MAGI1: variants seen among roughly 807,000 people sequenced by gnomAD.
MAGI1 encodes membrane-associated guanylate kinase, WW and PDZ domain-containing protein 1.
In MAGI1, 58 loss-of-function variants were observed where a neutral mutation model predicts 139.9. That is an observed-to-expected ratio of 0.41 (90% CI 0.34 to 0.52). The LOEUF (loss-of-function observed/expected upper bound fraction) is 0.52, where lower values mean the gene tolerates loss of function less well. Ranked by LOEUF, MAGI1 falls within the 20% of genes least tolerant of loss-of-function variation. The probability of loss-of-function intolerance (pLI) is 0.12; values close to 1 mark genes in which losing one functional copy is unlikely to be tolerated. For missense variants in MAGI1, 1,874 were observed against 1,901.6 expected (o/e 0.99, Z 0.27); for synonymous variants, 812 against 737.9 (o/e 1.10, Z -1.63).
chr3:65,957,676 G>C (rs1055033323), intron 1 of MAGI1, among the ~76,000 whole-genome samples: 6 of 152,118 alleles, frequency 3.9e-5, no homozygotes, highest in Non-Finnish European at 8.8e-5. Context: ...CAAGAAAATG[G>C]GAATAGAGGT....
At chr3:65,923,226 C>CTTCT (rs2062312410) in intron 1 of MAGI1, among the ~76,000 whole-genome samples, 1 of 139,962 alleles carries the variant, frequency 7.1e-6, no homozygotes, top group Admixed American at 7.2e-5. Flanking sequence ...CAACAGACAT[C>CTTCT]TTTTTTTTTT....
chr3:65,862,956 C>T (rs1190407315), intron 1 of MAGI1, among the ~76,000 whole-genome samples: 4 of 152,188 alleles, frequency 2.6e-5, no homozygotes, highest in Non-Finnish European at 5.9e-5. Context: ...CAGAATGAAA[C>T]CTGACCTCCC....
intron 1 of MAGI1, among the ~76,000 whole-genome samples, chr3:65,799,461 A>T (rs2040374113): frequency 6.6e-6 from 1 of 152,196 alleles, no homozygotes; most frequent in Non-Finnish European, 1.5e-5. Flanking sequence ...AAAAATACAA[A>T]AATTACTGGA....
At chr3:65,784,726 A>G (rs914496982) in intron 1 of MAGI1, among the ~76,000 whole-genome samples, 5 of 26,618 alleles carry the variant, frequency 1.9e-4, no homozygotes, top group African/African-American at 4.9e-4. Flanking sequence ...CAACAACAAC[A>G]AAAAGAAAAG....
chr3:65,506,983 C>T (rs780980383), intron 2 of MAGI1, among the ~76,000 whole-genome samples: 4 of 152,042 alleles, frequency 2.6e-5, no homozygotes, highest in Non-Finnish European at 4.4e-5. Context: ...GAAATAGTCA[C>T]GAACATGTAA....
At chr3:65,947,513 A>G (rs1175616997) in intron 1 of MAGI1, among the ~76,000 whole-genome samples, 2 of 152,236 alleles carry the variant, frequency 1.3e-5, no homozygotes, top group African/African-American at 2.4e-5. Context: ...CACTGAGATA[A>G]GCTATAATAA....
chr3:65,891,764 G>C (rs1489609877), intron 1 of MAGI1, among the ~76,000 whole-genome samples: 3 of 142,622 alleles, frequency 2.1e-5, no homozygotes, highest in African/African-American at 7.7e-5. Context: ...GGGAGGGATA[G>C]CTTTAGGAGA....
intron 4 of MAGI1, among the ~76,000 whole-genome samples, chr3:65,474,100 T>C (rs1950720606): frequency 6.6e-6 from 1 of 152,066 alleles, no homozygotes. Flanking sequence ...ACCACATATC[T>C]ACAAAAAATT....
chr3:65,722,967 G>A (rs1385911526), intron 1 of MAGI1, among the ~76,000 whole-genome samples: 8 of 147,722 alleles, frequency 5.4e-5, no homozygotes, highest in Middle Eastern at 3.5e-3. Flanking sequence ...GATATCTGTT[G>A]TAGTAAAAAA....
chr3:65,405,562 T>C (rs1322054085), intron 12 of MAGI1, among the ~76,000 whole-genome samples: 2 of 152,002 alleles, frequency 1.3e-5, no homozygotes, highest in African/African-American at 4.8e-5. Flanking sequence ...CACACATACA[T>C]ATCCACAGAT....
At chr3:65,579,158 G>C (rs2081309367) in intron 2 of MAGI1, among the ~76,000 whole-genome samples, 1 of 151,992 alleles carries the variant, frequency 6.6e-6, no homozygotes, top group Non-Finnish European at 1.5e-5. Flanking sequence ...GCAAATCCTG[G>C]AGTCAGAACA....
chr3:65,486,571 G>A (rs1951652357), intron 3 of MAGI1, among the ~76,000 whole-genome samples: 1 of 152,230 alleles, frequency 6.6e-6, no homozygotes, highest in Non-Finnish European at 1.5e-5. Flanking sequence ...GCCACAATTA[G>A]GAAGTTGGGC....
chr3:65,597,925 T>TGGGGGGGGGGGG, intron 2 of MAGI1: 4 of 394,338 alleles, frequency 1.0e-5, no homozygotes, highest in Non-Finnish European at 2.0e-5. Flanking sequence ...GAGGCGGGGG[T>TGGGGGGGGGGGG]GGGGGGGGGG....
intron 1 of MAGI1, among the ~76,000 whole-genome samples, chr3:66,021,033 C>T (rs1463591234): frequency 3.9e-5 from 6 of 152,218 alleles, no homozygotes; most frequent in African/African-American, 1.4e-4. Context: ...CAACGTATCA[C>T]TCCAACCGTG....
At chr3:65,952,448 T>TA (rs1301683813) in intron 1 of MAGI1, among the ~76,000 whole-genome samples, 1 of 152,198 alleles carries the variant, frequency 6.6e-6, no homozygotes, top group Non-Finnish European at 1.5e-5. Flanking sequence ...AAGAGCACCT[T>TA]AACTACGTAC....
chr3:65,449,452 G>A (rs1220035830), intron 6 of MAGI1, among the ~76,000 whole-genome samples: 2 of 152,082 alleles, frequency 1.3e-5, no homozygotes, highest in African/African-American at 4.8e-5. Context: ...TGATGTGCCA[G>A]TCACTGTGCT....
chr3:65,738,351 A>T (rs4688592), intron 1 of MAGI1, among the ~76,000 whole-genome samples: 150,483 of 151,940 alleles, frequency 0.99, 74,534 homozygotes, highest in East Asian at 1. Context: ...TAAAAAAAAA[A>T]TTTTTTTGTG....
At chr3:65,869,341 A>G (rs904463143) in intron 1 of MAGI1, among the ~76,000 whole-genome samples, 3 of 151,232 alleles carry the variant, frequency 2.0e-5, no homozygotes, top group Non-Finnish European at 4.4e-5. Context: ...ACTAGAATGT[A>G]CAGATCCCAA....
At chr3:65,753,697 C>CAAAAAAAAAAAAAA (rs35459634) in intron 1 of MAGI1, among the ~76,000 whole-genome samples, 1 of 104,190 alleles carries the variant, frequency 9.6e-6, no homozygotes, top group Non-Finnish European at 2.2e-5. Context: ...AACTCCATCT[C>CAAAAAAAAAAAAAA]AAAAAAAAAA....
Sources: gnomAD v4.1 joint callset for allele counts (sites outside exome capture counted in the v4.1 genomes callset) on GRCh38, gnomAD v4.1.1 for gene constraint, MANE v1.5 for transcripts, NCBI Gene and HGNC (gene_info 2026-07-23, HGNC 2026-07-21) for gene names.